Variants in NEDD9 observed in about 807,000 individuals in gnomAD.
NEDD9 encodes the protein enhancer of filamentation 1.
NEDD9 carries 26 observed loss-of-function variants against 76.6 expected under a neutral mutation model. The observed-to-expected ratio is 0.34, with a 90% confidence interval of 0.25 to 0.47. The LOEUF (loss-of-function observed/expected upper bound fraction) is 0.47, where lower values mean the gene tolerates loss of function less well. Among genes scored for constraint, NEDD9 ranks in the 20% least tolerant of loss-of-function variants. NEDD9 has a pLI of 1.00. For synonymous variants in NEDD9, 392 were observed against 414.2 expected, an observed-to-expected ratio of 0.95 and a Z score of 0.65; for missense variants, 937 against 1,058.5, an observed-to-expected ratio of 0.89 and a Z score of 1.59.
At chr6:11,260,893 CCTGTGT>C (rs1760096769) in intron 3 of NEDD9, among the ~76,000 whole-genome samples, 1 of 131,602 alleles carries the variant, frequency 7.6e-6, no homozygotes, top group Non-Finnish European at 1.6e-5. Flanking sequence ...CGTGTGTGAG[CCTGTGT>C]GTGTGTGTGT....
Position 11,190,142 on chromosome 6 carries a change from G to A in NEDD9, c.1727C>T (p.Ser576Leu), listed in dbSNP as rs1249247327. ...LKNGPESIMN[S>L]TEYPHGGSQG... ...GGAGCCACCGTGTGGGTACTCCGTT[G>A]AGTTCATGATGCTCTCCGGCCCATT... is the stretch of plus-strand genomic sequence containing the variant. The change falls in exon 5 of 7, where the codon TCA becomes TTA. Residue 576 changes from serine to leucine, a missense_variant. Coordinates refer to ENST00000379446, the MANE Select transcript of NEDD9 (RefSeq NM_006403.4). This position sits in a 1 kb window ranked among gnomAD's most constrained non-coding sequence, Gnocchi z 5.8. 2 of 1,614,024 alleles carry A rather than the reference G, an allele frequency of 1.2e-6. No homozygotes were observed. The highest frequency in any genetic ancestry group is 1.7e-5 in the Admixed American group (1 of 60,022).
At chr6:11,270,367 CTTT>C (rs34680497) in intron 3 of NEDD9, among the ~76,000 whole-genome samples, 8 of 139,876 alleles carry the variant, frequency 5.7e-5, no homozygotes, top group African/African-American at 7.9e-5. Context: ...TCCCCTCAAC[CTTT>C]TTTTTTTTTT....
intron 1 of NEDD9, among the ~76,000 whole-genome samples, chr6:11,369,641 T>C (rs983642220): frequency 6.6e-6 from 1 of 152,180 alleles, no homozygotes; most frequent in Non-Finnish European, 1.5e-5. Flanking sequence ...ATAAACCCAA[T>C]CCCAAAACAT....
At chr6:11,305,133 A>G (rs1561824404) in intron 3 of NEDD9, 1 of 1,289,152 alleles carries the variant, frequency 7.8e-7, no homozygotes, top group Non-Finnish European at 1.0e-6. Flanking sequence ...GAGCTTTTTT[A>G]TTTGTGTGCA....
intron 3 of NEDD9, among the ~76,000 whole-genome samples, chr6:11,246,743 T>G (rs954492402): frequency 3.9e-5 from 6 of 152,196 alleles, no homozygotes; most frequent in African/African-American, 1.4e-4. Context: ...TCTATTTCTT[T>G]AAAACAAAGA....
At chr6:11,323,147 C>T (rs115938228) in intron 2 of NEDD9, among the ~76,000 whole-genome samples, 2,632 of 152,300 alleles carry the variant, frequency 0.017, 69 homozygotes, top group African/African-American at 0.047. Context: ...AGCAAAGGGA[C>T]GGTGAGCTCA....
chr6:11,270,123 C>T (rs1760273242), intron 3 of NEDD9, among the ~76,000 whole-genome samples: 1 of 152,132 alleles, frequency 6.6e-6, no homozygotes, highest in South Asian at 2.1e-4. Context: ...AGTGTGACTC[C>T]TTAAAATAAA....
intron 6 of NEDD9, among the ~76,000 whole-genome samples, chr6:11,186,862 C>T (rs139983303): frequency 1.3e-4 from 20 of 152,292 alleles, no homozygotes; most frequent in Admixed American, 7.2e-4. Flanking sequence ...ATGATCCGCC[C>T]GTCTCGGCCT....
At chr6:11,264,263 G>A (rs994115636) in intron 3 of NEDD9, among the ~76,000 whole-genome samples, 16 of 152,184 alleles carry the variant, frequency 1.1e-4, no homozygotes, top group Admixed American at 3.3e-4. Flanking sequence ...TCACCTCCTC[G>A]AGGTGACAGG....
intron 2 of NEDD9, among the ~76,000 whole-genome samples, chr6:11,308,430 C>G (rs1300893194): frequency 1.5e-5 from 2 of 133,320 alleles, no homozygotes; most frequent in Non-Finnish European, 3.1e-5. Context: ...AGTGCAGTGG[C>G]GCAATCTCGG....
At chr6:11,371,842 A>C (rs1273586585) in intron 1 of NEDD9, among the ~76,000 whole-genome samples, 2 of 152,122 alleles carry the variant, frequency 1.3e-5, no homozygotes, top group Admixed American at 1.3e-4. Context: ...TTTCTTTTTA[A>C]AAAAATTCAG....
chr6:11,278,249 C>T (rs942205256), intron 3 of NEDD9, among the ~76,000 whole-genome samples: 1 of 152,208 alleles, frequency 6.6e-6, no homozygotes, highest in Non-Finnish European at 1.5e-5. Flanking sequence ...CCTTGTTCAT[C>T]TGAAGCGAAT....
intron 3 of NEDD9, among the ~76,000 whole-genome samples, chr6:11,276,942 G>GAAAC (rs148488654): frequency 0.014 from 2,071 of 150,222 alleles, 42 homozygotes; most frequent in East Asian, 0.1. Flanking sequence ...ACAGGATCTG[G>GAAAC]AAACAAACAA....
chr6:11,285,849 A>C (rs1487272889), intron 3 of NEDD9, among the ~76,000 whole-genome samples: 10 of 152,214 alleles, frequency 6.6e-5, no homozygotes, highest in Non-Finnish European at 1.5e-5. Context: ...CATTATATGA[A>C]TATTAATTCA....
chr6:11,281,724 C>T (rs141303609), intron 3 of NEDD9, among the ~76,000 whole-genome samples: 3 of 152,032 alleles, frequency 2.0e-5, no homozygotes, highest in South Asian at 2.1e-4. Context: ...AGATAACCAA[C>T]CTCAGGATTA....
intron 3 of NEDD9, among the ~76,000 whole-genome samples, chr6:11,279,301 A>G (rs1760481329): frequency 6.6e-6 from 1 of 152,238 alleles, no homozygotes; most frequent in Non-Finnish European, 1.5e-5. Context: ...AGCAGATGAG[A>G]AGTTCACTTG....
intron 3 of NEDD9, among the ~76,000 whole-genome samples, chr6:11,290,589 G>A (rs1439323156): frequency 2.6e-5 from 4 of 152,088 alleles, no homozygotes; most frequent in Non-Finnish European, 4.4e-5. Flanking sequence ...CAGAGTGGTC[G>A]TCCTCCTCCT....
At chr6:11,305,078 G>T (rs1397901662) in intron 3 of NEDD9, 1 of 1,286,374 alleles carries the variant, frequency 7.8e-7, no homozygotes, top group Non-Finnish European at 1.0e-6. Context: ...TGGAACGTTT[G>T]CCCAGAAAGG....
Position 11,213,768 on chromosome 6 carries a change from G to A in NEDD9, c.13-41C>T. 2 of 1,591,606 alleles carry A rather than the reference G, an allele frequency of 1.3e-6. No homozygotes were observed. The highest frequency in any genetic ancestry group is 8.6e-7 in the Non-Finnish European group (1 of 1,164,402). ...GAGAAGGAAACCGTGTTAGAATATT[G>A]GGTCGGTCCCTTTATCACCTAAGGC... On this transcript the variant is annotated intron_variant, in intron 1 of 6. Transcript: ENST00000379446. The surrounding 1 kb of genome is among the most constrained non-coding windows in gnomAD (Gnocchi z 5.4).
Sources: allele counts gnomAD v4.1 joint callset (sites outside exome capture counted in the v4.1 genomes callset), GRCh38; gene constraint gnomAD v4.1.1; non-coding constraint Gnocchi (gnomAD v3.1); transcripts MANE v1.5; gene names NCBI Gene and HGNC (gene_info 2026-07-23, HGNC 2026-07-21).